TCF7L1: variants seen among roughly 807,000 people sequenced by gnomAD.
TCF7L1 encodes the protein transcription factor 7 like 1.
In TCF7L1, 18 loss-of-function variants were observed where a neutral mutation model predicts 63.7. The ratio of observed to expected loss-of-function variants is 0.28; its 90% CI spans 0.20 to 0.42. TCF7L1 has a LOEUF of 0.42. TCF7L1 is among the 10% of genes least tolerant of loss of function. TCF7L1 has a pLI of 1.00. For missense variants in TCF7L1, 654 were observed against 779.3 expected (o/e 0.84, Z 1.91); for synonymous variants, 355 against 340.9 (o/e 1.04, Z -0.46).
intron 3 of TCF7L1, among the ~76,000 whole-genome samples, chr2:85,172,875 C>G (rs767063234): frequency 1.3e-5 from 2 of 152,144 alleles, no homozygotes; most frequent in Non-Finnish European, 2.9e-5. Context: ...CTCTTCACCC[C>G]TCTCCTGGAT....
chr2:85,160,184 C>G (rs1450997958), intron 3 of TCF7L1, among the ~76,000 whole-genome samples: 1 of 152,204 alleles, frequency 6.6e-6, no homozygotes, highest in Non-Finnish European at 1.5e-5. Context: ...CTGTGCCACC[C>G]CTTTGTAGTC....
At chr2:85,163,638 A>G (rs1038010764) in intron 3 of TCF7L1, among the ~76,000 whole-genome samples, 9 of 152,144 alleles carry the variant, frequency 5.9e-5, no homozygotes, top group African/African-American at 9.7e-5. Flanking sequence ...ACCGCATGCT[A>G]GGAGGCTTAA....
chr2:85,295,820 C>G (rs1325278388), intron 4 of TCF7L1, among the ~76,000 whole-genome samples: 5 of 146,336 alleles, frequency 3.4e-5, no homozygotes, highest in African/African-American at 1.3e-4. Context: ...TTCTGTCGCC[C>G]AGGCTGGAGT....
chr2:85,155,236 G>T (rs985531201), intron 3 of TCF7L1, among the ~76,000 whole-genome samples: 1 of 152,090 alleles, frequency 6.6e-6, no homozygotes, highest in African/African-American at 2.4e-5. Context: ...GCACCAATCA[G>T]CACTCTGTAA....
At chr2:85,153,074 T>C (rs1678057121) in intron 3 of TCF7L1, among the ~76,000 whole-genome samples, 1 of 152,252 alleles carries the variant, frequency 6.6e-6, no homozygotes. Flanking sequence ...TGGTCACCTA[T>C]GTGATTACAT....
At chr2:85,159,404 T>C (rs1678228321) in intron 3 of TCF7L1, among the ~76,000 whole-genome samples, 1 of 152,174 alleles carries the variant, frequency 6.6e-6, no homozygotes. Flanking sequence ...CAGGGACCAG[T>C]TGTGCAGGCA....
chr2:85,300,852 T>C (rs991370107), intron 4 of TCF7L1, among the ~76,000 whole-genome samples: 1 of 151,730 alleles, frequency 6.6e-6, no homozygotes, highest in Non-Finnish European at 1.5e-5. Context: ...CGATCTCGGC[T>C]CACTGCAGCC....
rs1392955757 is a variant in TCF7L1, at chr2:85,303,878, T to C, written c.659-17T>C. The C allele has an allele frequency of 6.3e-7, 1 of 1,586,848 alleles. No individual in the cohort carries two copies. The highest frequency in any genetic ancestry group is 8.6e-7 in the Non-Finnish European group (1 of 1,158,956). On this transcript the variant is annotated splice_polypyrimidine_tract_variant and intron_variant, in intron 5 of 11. Transcript: ENST00000282111. The stretch of plus-strand genomic sequence containing the variant: ...CAGGGCGAGGGAACAGTCTGACATA[T>C]CTCTCTTTGGAAGCAGGAATCCCCC...
At position 85,309,241 on chromosome 2, in the gene TCF7L1, G is replaced by T. The variant is rs376262558; in HGVS notation, c.1546G>T (p.Ala516Ser). 16 of 1,614,030 alleles carry T rather than the reference G, an allele frequency of 9.9e-6. No individual in the cohort carries two copies. In the East Asian group the frequency reaches 2.0e-4, roughly 20 times the overall value. ...TTKPETRAQLALHSAAFLSAK... is the reference protein window; with the variant it reads ...TTKPETRAQLSLHSAAFLSAK... Reference sequence around the variant, plus strand: ...CAAACCAGAAACCCGGGCCCAGCTGGCTCTCCACTCTGCCGCCTTCCTGTC... The same window carrying T: ...CAAACCAGAAACCCGGGCCCAGCTGTCTCTCCACTCTGCCGCCTTCCTGTC... Residue 516 changes from alanine (A) to serine (S), a missense_variant, in exon 12 of 12, where the codon GCT (alanine) becomes TCT (serine). Ala to Ser is a moderately conservative substitution (Grantham distance 99). Coordinates refer to ENST00000282111, the MANE Select transcript of TCF7L1 (RefSeq NM_031283.3).
chr2:85,307,520 C>T, intron 10 of TCF7L1, 122 bp from the exon 11 acceptor site: 1 of 757,986 alleles, frequency 1.3e-6, no homozygotes, highest in Non-Finnish European at 2.2e-6. Context: ...TCTCTCCACA[C>T]TCTCCCTGAG....
chr2:85,228,701 CCTT>C (rs1337052324), intron 3 of TCF7L1, among the ~76,000 whole-genome samples: 2 of 151,926 alleles, frequency 1.3e-5, no homozygotes, highest in African/African-American at 2.4e-5. Flanking sequence ...CCCTCAAAGT[CCTT>C]CTTTATCATT....
intron 3 of TCF7L1, among the ~76,000 whole-genome samples, chr2:85,232,342 T>C (rs1018994438): frequency 1.3e-5 from 2 of 152,212 alleles, no homozygotes; most frequent in Non-Finnish European, 2.9e-5. Context: ...TCTCCATTTC[T>C]TTTTAATCAT....
chr2:85,149,651 A>G (rs1677963383), intron 3 of TCF7L1, among the ~76,000 whole-genome samples: 1 of 151,912 alleles, frequency 6.6e-6, no homozygotes, highest in African/African-American at 2.4e-5. Flanking sequence ...CAGCCTCCCA[A>G]GTAGCTGTGA....
At chr2:85,150,382 C>G (rs929133538) in intron 3 of TCF7L1, among the ~76,000 whole-genome samples, 1 of 152,068 alleles carries the variant, frequency 6.6e-6, no homozygotes, top group African/African-American at 2.4e-5. Context: ...TACAGGCGCC[C>G]GCCACCACGC....
In TCF7L1 at chr2:85,221,030, C is replaced by G. The variant is rs184879108; in HGVS notation, c.442-62465C>G. On this transcript the variant is annotated intron_variant, in intron 3 of 11. Coordinates refer to ENST00000282111, the MANE Select transcript of TCF7L1 (RefSeq NM_031283.3). ...AAGCTATTGAAGACCATTAGAGACCCAAGTCTATTGTTACGCACTCAGGTA... is the reference window on the plus strand; with the variant it reads ...AAGCTATTGAAGACCATTAGAGACCGAAGTCTATTGTTACGCACTCAGGTA... Among the ~76,000 whole-genome samples the G allele has an allele frequency of 1.2e-3, 176 of 152,236 alleles. 2 individuals carry two copies. The highest frequency in any genetic ancestry group is 3.5e-4 in the Non-Finnish European group (24 of 68,018).
At chr2:85,177,957 T>C (rs1678717143) in intron 3 of TCF7L1, among the ~76,000 whole-genome samples, 1 of 152,114 alleles carries the variant, frequency 6.6e-6, no homozygotes, top group Admixed American at 6.6e-5. Context: ...GCAGTAAGCA[T>C]TGGGATGGCT....
At chr2:85,167,264 A>C (rs1387185269) in intron 3 of TCF7L1, 5 of 152,638 alleles carry the variant, frequency 3.3e-5, no homozygotes, top group African/African-American at 1.2e-4. Context: ...AGGGGCTAGC[A>C]CATGGTACAA....
chr2:85,243,799 A>G (rs6725679), intron 3 of TCF7L1, among the ~76,000 whole-genome samples: 8,717 of 152,176 alleles, frequency 0.057, 868 homozygotes, highest in African/African-American at 0.2. Flanking sequence ...GGGTATTCAT[A>G]TTGTGACTTC....
chr2:85,305,612 C>T (rs998873266), intron 8 of TCF7L1, among the ~76,000 whole-genome samples: 1 of 152,142 alleles, frequency 6.6e-6, no homozygotes, highest in African/African-American at 2.4e-5. Flanking sequence ...GGTGCATCTT[C>T]TCTCTTATTA....
Sources: allele counts gnomAD v4.1 joint callset (sites outside exome capture counted in the v4.1 genomes callset), GRCh38; gene constraint gnomAD v4.1.1; transcripts MANE v1.5; gene names NCBI Gene and HGNC (gene_info 2026-07-23, HGNC 2026-07-21).